Variants in SAMM50 observed in about 807,000 individuals in gnomAD.
SAMM50 encodes the protein SAMM50 sorting and assembly machinery component, also known as sorting and assembly machinery component 50 homolog.
Under a neutral mutation model 66.9 loss-of-function variants are expected in SAMM50, and 47 were observed. The ratio of observed to expected loss-of-function variants is 0.70; its 90% CI spans 0.56 to 0.90. The LOEUF (loss-of-function observed/expected upper bound fraction) is 0.90, where lower values mean the gene tolerates loss of function less well. SAMM50 is among the 40% of genes least tolerant of loss of function. The pLI is 0.00. For synonymous variants in SAMM50, 191 were observed against 214.1 expected (o/e 0.89, Z 0.94); for missense variants, 535 against 595.3 (o/e 0.90, Z 1.05).
chr22:43,963,917 A>ATTTTTTTTT (rs1381112918), intron 2 of SAMM50, among the ~76,000 whole-genome samples: 1 of 150,220 alleles, frequency 6.7e-6, no homozygotes, highest in African/African-American at 2.5e-5. Flanking sequence ...TATTTTTAAA[A>ATTTTTTTTT]TTTTTTTTGA....
intron 9 of SAMM50, among the ~76,000 whole-genome samples, chr22:43,977,421 G>A (rs527749787): frequency 3.3e-5 from 5 of 152,342 alleles, no homozygotes; most frequent in South Asian, 2.1e-4. Context: ...AGCTACCCTC[G>A]CTCTGGCCGG....
chr22:43,989,226 C>T lies in SAMM50; in HGVS notation c.1191C>T (p.Leu397=). 1.2e-6 allele frequency: 2 copies of T among 1,614,146 alleles called. No homozygotes were observed. Among genetic ancestry groups the T allele is most frequent in the Non-Finnish European group, 1.7e-6 (2 of 1,180,030 alleles). The part of the protein sequence containing the change: ...FGELFRTHFF[L]NAGNLCNLNY... The stretch of plus-strand genomic sequence containing the variant: ...AACTTTTCCGAACACACTTCTTTCT[C>T]AACGCAGGAAACCTCTGCAACCTCA... The change falls in exon 13 of 15, where the codon CTC becomes CTT. Residue 397 remains leucine (L), a synonymous_variant. Transcript: ENST00000350028.
chr22:43,977,661 CTG>C (rs1404433862), intron 9 of SAMM50, among the ~76,000 whole-genome samples: 1 of 152,230 alleles, frequency 6.6e-6, no homozygotes, highest in East Asian at 1.9e-4. Flanking sequence ...AGGGCAGCCT[CTG>C]CACCTCTTGG....
intron 7 of SAMM50, 87 bp downstream of exon 7, chr22:43,973,410 C>T (rs1005830801): frequency 1.6e-5 from 13 of 797,286 alleles, no homozygotes; most frequent in Non-Finnish European, 2.6e-5. Flanking sequence ...AAGAGGGCAG[C>T]GTGGAAAGCA....
At chr22:43,982,771 G>A (rs1195134241) in intron 11 of SAMM50, among the ~76,000 whole-genome samples, 1 of 152,150 alleles carries the variant, frequency 6.6e-6, no homozygotes, top group Non-Finnish European at 1.5e-5. Flanking sequence ...AAGTAGCTGG[G>A]ACTACAGGCA....
At position 43,981,477 on chromosome 22, in the gene SAMM50, T is replaced by A; in HGVS notation, c.1007+16T>A. The A allele has an allele frequency of 6.5e-7, 1 of 1,547,896 alleles. No homozygotes were observed. The highest frequency in any genetic ancestry group is 1.4e-5 in the African/African-American group (1 of 73,742). ...TTGCTGATAGGTAAGTACTAATCAA[T>A]GAATGGATAATTTGCACATATTTTC... is the stretch of plus-strand genomic sequence containing the variant. On this transcript the variant is annotated intron_variant, in intron 11 of 14. Coordinates refer to ENST00000350028, the MANE Select transcript of SAMM50 (RefSeq NM_015380.5).
intron 1 of SAMM50, chr22:43,957,081 C>T (rs965324080): frequency 5.0e-6 from 5 of 1,000,518 alleles, no homozygotes; most frequent in East Asian, 2.4e-5. Flanking sequence ...GTGGAGTCTC[C>T]GGAACCAAAG....
chr22:43,964,085 C>T (rs894635766), intron 2 of SAMM50, among the ~76,000 whole-genome samples: 3 of 151,942 alleles, frequency 2.0e-5, no homozygotes, highest in Non-Finnish European at 2.9e-5. Context: ...TTTTTCTGCA[C>T]ATAGTTATTA....
rs1054777916 is a variant in SAMM50, at chr22:43,957,222, A to T, written c.21+1624A>T. 5 of 672,632 alleles carry T rather than the reference A, an allele frequency of 7.4e-6. No homozygotes were observed. The Admixed American group carries it at 1.1e-4, about 15-fold the overall frequency. 41.7% of individuals were successfully genotyped at this position (672,632 alleles called of 1,614,324 possible). ...GCGGCAAATCAAACAAAGCCAGAGTAATCTGGGGAAAGGTAACTCGGGCCC... is the reference window on the plus strand; with the variant it reads ...GCGGCAAATCAAACAAAGCCAGAGTTATCTGGGGAAAGGTAACTCGGGCCC... On this transcript the variant is annotated intron_variant, in intron 1 of 14. Coordinates refer to ENST00000350028, the MANE Select transcript of SAMM50 (RefSeq NM_015380.5).
intron 10 of SAMM50, among the ~76,000 whole-genome samples, chr22:43,979,963 C>A (rs2050253814): frequency 6.6e-6 from 1 of 150,936 alleles, no homozygotes; most frequent in Non-Finnish European, 1.5e-5. Context: ...CTCCTGCAAG[C>A]CTTCTTCAAC....
chr22:43,964,348 G>T, intron 2 of SAMM50, 104 bp from the exon 3 acceptor site: 1 of 619,364 alleles, frequency 1.6e-6, no homozygotes, highest in East Asian at 2.8e-5. Flanking sequence ...TATTAAACTT[G>T]AAGAAAACCT....
At chr22:43,992,471 C>G (rs2050330268) in intron 14 of SAMM50, among the ~76,000 whole-genome samples, 3 of 152,242 alleles carry the variant, frequency 2.0e-5, no homozygotes, top group African/African-American at 7.2e-5. Flanking sequence ...GCTCCCATTC[C>G]CCTCCACGCC....
At chr22:43,976,464 G>C (rs576729302) in intron 8 of SAMM50, among the ~76,000 whole-genome samples, 1 of 152,332 alleles carries the variant, frequency 6.6e-6, no homozygotes, top group African/African-American at 2.4e-5. Context: ...CTGAGGCCAG[G>C]GCGTCGAGCT....
chr22:43,986,657 TC>T (rs1484985399), intron 12 of SAMM50: 1 of 151,952 alleles, frequency 6.6e-6, no homozygotes, highest in Non-Finnish European at 1.5e-5. Flanking sequence ...TTCAAGCGAT[TC>T]CCCCTGCCTC....
intron 5 of SAMM50, 82 bp downstream of exon 5, chr22:43,972,424 T>G: frequency 1.3e-6 from 1 of 751,598 alleles, no homozygotes; most frequent in South Asian, 2.5e-5. Flanking sequence ...TAAAAGCTGA[T>G]GATAGTTTCA....
chr22:43,980,159 TCCATTCACCCACCCACCCAC>T (rs2050257069), intron 10 of SAMM50, among the ~76,000 whole-genome samples: 1 of 14,068 alleles, frequency 7.1e-5, no homozygotes, highest in African/African-American at 4.1e-4. Context: ...CATCCATCCA[TCCATTCACCCACCCACCCAC>T]CCACCCATCC....
At chr22:43,968,206 A>G in intron 3 of SAMM50, among the ~76,000 whole-genome samples, 1 of 143,446 alleles carries the variant, frequency 7.0e-6, no homozygotes. Flanking sequence ...CAGCCTGGGC[A>G]GCAGAGCGAA....
intron 8 of SAMM50, 104 bp downstream of exon 8, chr22:43,976,287 C>G (rs1236492685): frequency 5.8e-6 from 8 of 1,383,702 alleles, no homozygotes; most frequent in Non-Finnish European, 8.0e-6. Flanking sequence ...AGAAGCGTCA[C>G]CCAGATGGGG....
chr22:43,965,004 C>T (rs1430133317), intron 3 of SAMM50, among the ~76,000 whole-genome samples: 1 of 151,946 alleles, frequency 6.6e-6, no homozygotes, highest in Non-Finnish European at 1.5e-5. Flanking sequence ...CACTGCACCC[C>T]GTTTCTCATC....
Sources: gnomAD v4.1 joint callset for allele counts (sites outside exome capture counted in the v4.1 genomes callset) on GRCh38, gnomAD v4.1.1 for gene constraint, MANE v1.5 for transcripts, NCBI Gene and HGNC (gene_info 2026-07-23, HGNC 2026-07-21) for gene names.